EIF4E3: variants seen among roughly 807,000 people sequenced by gnomAD.
EIF4E3 encodes the protein eukaryotic translation initiation factor 4E family member 3.
A neutral mutation model predicts 31.7 loss-of-function variants in EIF4E3; 26 were observed. The observed-to-expected ratio is 0.82, with a 90% CI of 0.60 to 1.14. The LOEUF (loss-of-function observed/expected upper bound fraction) is 1.14. Among genes scored for constraint, EIF4E3 ranks in the 50% most tolerant of loss-of-function variants. The pLI, the probability that EIF4E3 is intolerant of heterozygous loss-of-function variation, is 0.00. For missense variants in EIF4E3, 304 were observed against 270.9 expected, an observed-to-expected ratio of 1.12 and a Z score of -0.86; for synonymous variants, 128 against 107.7, an observed-to-expected ratio of 1.19 and a Z score of -1.17.
At chr3:71,752,083 T>C (rs1328379944) in intron 1 of EIF4E3, among the ~76,000 whole-genome samples, 1 of 152,170 alleles carries the variant, frequency 6.6e-6, no homozygotes, top group Non-Finnish European at 1.5e-5. Flanking sequence ...CAATAGTTGA[T>C]TTTCTTGAAA....
chr3:71,664,351 ATTT>A, the EIF4E3 span, among the ~76,000 whole-genome samples: 1 of 150,496 alleles, frequency 6.6e-6, no homozygotes, highest in Non-Finnish European at 1.5e-5. Flanking sequence ...GCTATAGTGG[ATTT>A]TTTTGGGTTT....
intron 1 of EIF4E3, among the ~76,000 whole-genome samples, chr3:71,718,335 T>C (rs2049495894): frequency 6.6e-6 from 1 of 152,268 alleles, no homozygotes; most frequent in South Asian, 2.1e-4. Flanking sequence ...GCCCTATTAC[T>C]GACAGTTAAT....
intron 2 of EIF4E3, among the ~76,000 whole-genome samples, chr3:71,702,886 A>T (rs963577975): frequency 6.6e-6 from 1 of 152,176 alleles, no homozygotes; most frequent in Non-Finnish European, 1.5e-5. Context: ...GCCCTTGCAG[A>T]AGTGAAAGGT....
At chr3:71,689,898 G>T in intron 6 of EIF4E3, 112 bp downstream of exon 6, 3 of 1,038,124 alleles carry the variant, frequency 2.9e-6, no homozygotes, top group Non-Finnish European at 2.6e-6. Context: ...ATTATTTTCT[G>T]AATTATCAAA....
At chr3:71,754,271 C>G (rs762692004), upstream of EIF4E3, 68 of 1,209,246 alleles carry the variant, frequency 5.6e-5, no homozygotes, top group Non-Finnish European at 6.8e-5. The surrounding 1 kb of genome is among the most constrained non-coding windows in gnomAD (Gnocchi z 5.8). Context: ...GCCTCCCGGC[C>G]GTCATGCTGG....
Position 71,751,048 on chromosome 3 carries a change from C to A in EIF4E3, c.-291+2415G>T, listed in dbSNP as rs1217999658. On this transcript the variant is annotated intron_variant, in intron 1 of 7. Coordinates refer to the EIF4E3 transcript ENST00000295612. ...AAGTGCTGGGATTACAGGTGTGAGC[C>A]ACCGCATCCGGCCTCTACAAATAAT... is the stretch of plus-strand genomic sequence containing the variant. Among the ~76,000 whole-genome samples the A allele has an allele frequency of 2.0e-5, 3 of 151,986 alleles. No homozygotes were observed. The East Asian group carries it at 5.8e-4, about 30-fold the overall frequency.
In EIF4E3 at chr3:71,738,562, G is replaced by A. The variant is rs1481227167; in HGVS notation, c.-290-9939C>T. ...TTAGAGTAAAGTTAACAGAGACAGA[G>A]AAGGACATTACATAATTATAAAAGA... On this transcript the variant is annotated intron_variant, in intron 1 of 7. Coordinates refer to the EIF4E3 transcript ENST00000295612. Among the ~76,000 whole-genome samples the A allele has an allele frequency of 2.0e-5, 3 of 152,134 alleles. No homozygotes were observed. In the East Asian group the frequency reaches 5.8e-4, roughly 29 times the overall value.
At chr3:71,675,109 C>T (rs987694163), downstream of EIF4E3, among the ~76,000 whole-genome samples, 2 of 152,206 alleles carry the variant, frequency 1.3e-5, no homozygotes, top group African/African-American at 4.8e-5. Flanking sequence ...ACATTCTGGT[C>T]AAGAAACCAA....
upstream of EIF4E3, among the ~76,000 whole-genome samples, chr3:71,725,561 C>T (rs986365090): frequency 6.6e-6 from 1 of 151,072 alleles, no homozygotes. This position sits in a 1 kb window ranked among gnomAD's most constrained non-coding sequence, Gnocchi z 6.1. Flanking sequence ...GAGGCACGGC[C>T]GGGCCGGGGC....
intron 1 of EIF4E3, among the ~76,000 whole-genome samples, chr3:71,711,083 G>A (rs186065662): frequency 2.6e-5 from 4 of 152,278 alleles, no homozygotes; most frequent in Admixed American, 2.6e-4. Flanking sequence ...TGGTCAGACT[G>A]CATTAATCTT....
intron 2 of EIF4E3, among the ~76,000 whole-genome samples, chr3:71,704,083 G>A (rs957092608): frequency 1.3e-5 from 2 of 152,214 alleles, no homozygotes; most frequent in African/African-American, 4.8e-5. Flanking sequence ...ACAAGAGCTA[G>A]GTACTTGAGA....
At chr3:71,725,430 ACCCCCGG>A, upstream of EIF4E3, 1 of 936,928 alleles carries the variant, frequency 1.1e-6, no homozygotes, top group Non-Finnish European at 1.3e-6. The surrounding 1 kb of genome is among the most constrained non-coding windows in gnomAD (Gnocchi z 6.1). Flanking sequence ...CGGCTGAGTC[ACCCCCGG>A]CCCCCGCCCC....
rs1559612638 is a variant in EIF4E3, at chr3:71,737,084, T to C, written c.-290-8461A>G. Among the ~76,000 whole-genome samples, 3 of 152,258 alleles carry C rather than the reference T, an allele frequency of 2.0e-5. No individual in the cohort carries two copies. The East Asian group carries it at 5.8e-4, about 29-fold the overall frequency. On this transcript the variant is annotated intron_variant, in intron 1 of 7. Coordinates refer to the EIF4E3 transcript ENST00000295612. ...CAACCTGATGAGGTATTAACAAGTA[T>C]GATTATCATCTCCCACTTTACACAC...
the EIF4E3 span, among the ~76,000 whole-genome samples, chr3:71,662,404 T>C: frequency 2.0e-5 from 3 of 152,352 alleles, no homozygotes; most frequent in East Asian, 3.9e-4. Flanking sequence ...AAAGATTACA[T>C]GAGCTAATGC....
chr3:71,706,696 T>C (rs1445742945), intron 2 of EIF4E3, among the ~76,000 whole-genome samples: 1 of 152,114 alleles, frequency 6.6e-6, no homozygotes, highest in African/African-American at 2.4e-5. Flanking sequence ...AGCACATGGC[T>C]ATAGTCCCAG....
chr3:71,739,097 G>A (rs899496660), intron 1 of EIF4E3, among the ~76,000 whole-genome samples: 35 of 149,604 alleles, frequency 2.3e-4, no homozygotes, highest in African/African-American at 8.7e-4. Context: ...GTCAGATGCA[G>A]CTAAAGCACT....
At chr3:71,754,131 C>T (rs2049972738), upstream of EIF4E3, 40 of 1,448,646 alleles carry the variant, frequency 2.8e-5, no homozygotes, top group Non-Finnish European at 3.6e-5. This position sits in a 1 kb window ranked among gnomAD's most constrained non-coding sequence, Gnocchi z 5.8. Flanking sequence ...GCTCAGCCTG[C>T]TGCTGTGCGT....
At chr3:71,701,204 A>G (rs2108052097) in intron 2 of EIF4E3, among the ~76,000 whole-genome samples, 1 of 152,352 alleles carries the variant, frequency 6.6e-6, no homozygotes, top group South Asian at 2.1e-4. Flanking sequence ...AGATTATACA[A>G]AAATAATAAA....
At chr3:71,672,639 G>A (rs969128337), downstream of EIF4E3, among the ~76,000 whole-genome samples, 10 of 152,284 alleles carry the variant, frequency 6.6e-5, no homozygotes, top group African/African-American at 2.4e-5. Flanking sequence ...CAAGTAAAAC[G>A]TGTGATCTGC....
Sources: allele counts gnomAD v4.1 joint callset (sites outside exome capture counted in the v4.1 genomes callset), GRCh38; gene constraint gnomAD v4.1.1; non-coding constraint Gnocchi (gnomAD v3.1); transcripts MANE v1.5; gene names NCBI Gene and HGNC (gene_info 2026-07-23, HGNC 2026-07-21).